CHCHD3: variants seen among roughly 807,000 people sequenced by gnomAD.
The protein encoded by CHCHD3 is MICOS complex subunit MIC19.
A neutral mutation model predicts 38.2 loss-of-function variants in CHCHD3; 20 were observed. That is an observed-to-expected ratio of 0.52 (90% CI 0.37 to 0.76). The LOEUF is 0.76. Ranked by LOEUF, CHCHD3 falls within the 30% of genes least tolerant of loss-of-function variation. The pLI, the probability that CHCHD3 is intolerant of heterozygous loss-of-function variation, is 0.00. For missense variants in CHCHD3, 245 were observed against 279.2 expected (o/e 0.88, Z 0.87); for synonymous variants, 82 against 100.0 (o/e 0.82, Z 1.07).
chr7:133,068,942 G>A (rs1391678146), intron 2 of CHCHD3, among the ~76,000 whole-genome samples: 1 of 152,060 alleles, frequency 6.6e-6, no homozygotes, highest in Non-Finnish European at 1.5e-5. Context: ...TATAATGTCT[G>A]GAATTTCAGG....
rs1808702432 is a variant in CHCHD3 at position 132,869,092 on chromosome 7, A to G, written c.453+16570T>C. On this transcript the variant is annotated intron_variant, in intron 5 of 7. Coordinates refer to ENST00000262570, the MANE Select transcript of CHCHD3 (RefSeq NM_017812.4). ...CTAAGTCAGACACTTCTGATGGAACATTCAAACACAAAACTAAAAATTCCA... is the reference window on the plus strand; with the variant it reads ...CTAAGTCAGACACTTCTGATGGAACGTTCAAACACAAAACTAAAAATTCCA... Among the ~76,000 whole-genome samples the G allele has an allele frequency of 2.6e-5, 4 of 152,228 alleles. No individual in the cohort carries two copies. In the South Asian group the frequency reaches 8.3e-4, roughly 31 times the overall value.
chr7:133,010,432 A>T (rs545331634), intron 3 of CHCHD3, among the ~76,000 whole-genome samples: 55 of 152,332 alleles, frequency 3.6e-4, no homozygotes, highest in African/African-American at 1.3e-3. Context: ...CTATTGTCAT[A>T]TGATGATTCT....
intron 6 of CHCHD3, among the ~76,000 whole-genome samples, chr7:132,822,029 T>C (rs1807391479): frequency 6.6e-6 from 1 of 152,212 alleles, no homozygotes; most frequent in South Asian, 2.1e-4. Context: ...CTTTTAAAGA[T>C]CCCAGCCTAA....
intron 6 of CHCHD3, among the ~76,000 whole-genome samples, chr7:132,832,844 CTG>C (rs1807683429): frequency 6.6e-6 from 1 of 152,178 alleles, no homozygotes; most frequent in Non-Finnish European, 1.5e-5. Flanking sequence ...AGCTACATTG[CTG>C]TGAGGCTTCT....
chr7:132,890,273 C>CT (rs1349055570), intron 4 of CHCHD3, among the ~76,000 whole-genome samples: 2 of 152,158 alleles, frequency 1.3e-5, no homozygotes, highest in Admixed American at 1.3e-4. Context: ...AGACTTGTCT[C>CT]TTTTCAGAAT....
intron 2 of CHCHD3, among the ~76,000 whole-genome samples, chr7:133,048,261 G>C (rs973799386): frequency 2.0e-5 from 3 of 152,188 alleles, no homozygotes; most frequent in Non-Finnish European, 2.9e-5. Context: ...ATATCTGCTA[G>C]TACTCTGACA....
At chr7:133,042,022 T>G (rs908072570) in intron 2 of CHCHD3, among the ~76,000 whole-genome samples, 3 of 152,256 alleles carry the variant, frequency 2.0e-5, no homozygotes, top group Admixed American at 6.5e-5. Flanking sequence ...CTGGCAATGT[T>G]TTTGGCATTA....
At chr7:133,034,724 C>A in intron 2 of CHCHD3, 2 of 1,613,482 alleles carry the variant, frequency 1.2e-6, no homozygotes, top group Non-Finnish European at 1.7e-6. Context: ...CCAGTTTCCG[C>A]CATGTGTATG....
At chr7:132,986,999 A>G (rs574680674) in intron 3 of CHCHD3, among the ~76,000 whole-genome samples, 1 of 152,278 alleles carries the variant, frequency 6.6e-6, no homozygotes, top group South Asian at 2.1e-4. Flanking sequence ...GGTTCCATCA[A>G]TGATTTGTCC....
chr7:132,801,608 A>G (rs978681844), intron 6 of CHCHD3, among the ~76,000 whole-genome samples: 3 of 152,224 alleles, frequency 2.0e-5, no homozygotes, highest in Non-Finnish European at 4.4e-5. Flanking sequence ...CAACCTGGAC[A>G]TCACCTAGCT....
At chr7:132,806,651 A>T (rs1806927876) in intron 6 of CHCHD3, among the ~76,000 whole-genome samples, 1 of 152,166 alleles carries the variant, frequency 6.6e-6, no homozygotes, top group Admixed American at 6.5e-5. Flanking sequence ...AGAAGAGAGA[A>T]GAAAAGGCTA....
In CHCHD3 at chr7:132,973,522, C is replaced by T. The variant is rs1811664593; in HGVS notation, c.369+1647G>A. ...CTTTCACAATGACTGACTTTGCTTC[C>T]ACCTCTCTTATTCCCTTTGTTCCAC... On this transcript the variant is annotated intron_variant, in intron 4 of 7. Coordinates refer to ENST00000262570, the MANE Select transcript of CHCHD3 (RefSeq NM_017812.4). The T allele has an allele frequency of 3.0e-6, 3 of 985,358 alleles. No individual in the cohort carries two copies. In the South Asian group the frequency reaches 1.4e-4, roughly 46 times the overall value. 61.0% of individuals were successfully genotyped at this position (985,358 alleles called of 1,614,324 possible). A position where few individuals can be genotyped will look rare whatever the true frequency, so the allele number is the denominator to read the frequency against.
intron 6 of CHCHD3, among the ~76,000 whole-genome samples, chr7:132,831,659 G>C (rs1807654874): frequency 6.6e-6 from 1 of 152,080 alleles, no homozygotes; most frequent in Non-Finnish European, 1.5e-5. Context: ...TAAGAAGAAA[G>C]ATAAGTAACA....
intron 3 of CHCHD3, among the ~76,000 whole-genome samples, chr7:132,982,384 A>C (rs1811942501): frequency 6.6e-6 from 1 of 152,190 alleles, no homozygotes; most frequent in Non-Finnish European, 1.5e-5. Flanking sequence ...TCCGGGATTC[A>C]AGCGATTCTC....
At position 132,877,621 on chromosome 7, in the gene CHCHD3, C is replaced by A. The variant is rs568078620; in HGVS notation, c.453+8041G>T. ...AAAATTGAGAGTAACTCAATGTACA[C>A]AATCCAAGCCACTTTAATAAAACCT... On this transcript the variant is annotated intron_variant, in intron 5 of 7. Transcript: ENST00000262570. Among the ~76,000 whole-genome samples the A allele has an allele frequency of 2.0e-4, 31 of 152,314 alleles. 1 individual carries two copies. Among genetic ancestry groups the A allele is most frequent in the Non-Finnish European group, 3.7e-4 (25 of 68,016 alleles).
chr7:132,821,790 C>G (rs1469227419), intron 6 of CHCHD3, among the ~76,000 whole-genome samples: 2 of 127,134 alleles, frequency 1.6e-5, no homozygotes, highest in Admixed American at 1.8e-4. Context: ...GAGTCTCGCT[C>G]TGTCGTCCAG....
chr7:133,011,908 T>A (rs1812884549), intron 3 of CHCHD3, among the ~76,000 whole-genome samples: 1 of 152,244 alleles, frequency 6.6e-6, no homozygotes, highest in Admixed American at 6.5e-5. Context: ...TATTTATTTA[T>A]GCCTGACATT....
intron 2 of CHCHD3, among the ~76,000 whole-genome samples, chr7:133,042,620 A>T (rs1813864235): frequency 6.6e-6 from 1 of 152,096 alleles, no homozygotes; most frequent in South Asian, 2.1e-4. Flanking sequence ...ATTTTCATAC[A>T]ATCACTCTCT....
intron 7 of CHCHD3, among the ~76,000 whole-genome samples, chr7:132,791,969 A>T (rs1363033642): frequency 6.6e-6 from 1 of 152,108 alleles, no homozygotes; most frequent in Non-Finnish European, 1.5e-5. Context: ...AGACGTCCTT[A>T]TTGTGAGCTG....
Sources: gnomAD v4.1 joint callset for allele counts (sites outside exome capture counted in the v4.1 genomes callset) on GRCh38, gnomAD v4.1.1 for gene constraint, MANE v1.5 for transcripts, NCBI Gene and HGNC (gene_info 2026-07-23, HGNC 2026-07-21) for gene names.